The following TMLHE variants were observed in gnomAD, a reference collection of about 807,000 sequenced individuals.
TMLHE encodes the protein trimethyllysine dioxygenase, mitochondrial.
TMLHE carries 18 observed loss-of-function variants against 25.7 expected under a neutral mutation model. The ratio of observed to expected loss-of-function variants is 0.70; its 90% confidence interval spans 0.48 to 1.04. The LOEUF is 1.04. Among genes scored for constraint, TMLHE ranks in the 50% least tolerant of loss-of-function variants. The pLI is 0.00. For synonymous variants in TMLHE, 105 were observed against 97.0 expected (o/e 1.08, Z -0.49); for missense variants, 236 against 259.0 (o/e 0.91, Z 0.61).
In TMLHE at chrX:155,605,608, A is replaced by G. The variant is rs1054987875; in HGVS notation, c.-2+7184T>C. On this transcript the variant is annotated intron_variant, in intron 1 of 7. Transcript: ENST00000334398. ...GTCCTTAAGGGAATGCTAAATATGGAAACAAAAGACTATTACTGGCCACCA... is the reference window on the plus strand; with the variant it reads ...GTCCTTAAGGGAATGCTAAATATGGGAACAAAAGACTATTACTGGCCACCA... 3.2e-4 allele frequency among the ~76,000 whole-genome samples: 36 copies of G among 111,928 alleles called. No individual in the cohort carries two copies. The Admixed American group carries it at 3.4e-3, about 11-fold the overall frequency.
At chrX:155,541,287 C>T (rs1474956053) in intron 2 of TMLHE, among the ~76,000 whole-genome samples, 5 of 111,061 alleles carry the variant, frequency 4.5e-5, no homozygotes, top group African/African-American at 1.6e-4. Context: ...TGAGTGAGAA[C>T]ATGCGATGTT....
At chrX:155,534,540 TTC>T (rs2067267351) in intron 2 of TMLHE, among the ~76,000 whole-genome samples, 1 of 111,625 alleles carries the variant, frequency 9.0e-6, no homozygotes, top group Admixed American at 9.5e-5. Flanking sequence ...CCGGCCTTAT[TTC>T]TCTCTTTTTG....
At chrX:155,555,839 T>C (rs1557340705) in intron 1 of TMLHE, among the ~76,000 whole-genome samples, 1 of 110,365 alleles carries the variant, frequency 9.1e-6, no homozygotes, top group African/African-American at 3.3e-5. Context: ...ACTCTGATGG[T>C]AGTTTCTTTT....
intron 1 of TMLHE, among the ~76,000 whole-genome samples, chrX:155,610,815 G>A (rs2067814816): frequency 9.1e-6 from 1 of 110,478 alleles, no homozygotes; most frequent in South Asian, 3.9e-4. Flanking sequence ...AGTGGGGAAA[G>A]GTGAGGAGGC....
chrX:155,515,511 G>C (rs1349853715), intron 3 of TMLHE, among the ~76,000 whole-genome samples: 1 of 110,424 alleles, frequency 9.1e-6, no homozygotes, highest in Non-Finnish European at 1.9e-5. Flanking sequence ...TTTGTATTTA[G>C]AAATTTCAAA....
intron 1 of TMLHE, among the ~76,000 whole-genome samples, chrX:155,549,062 C>T (rs1350056605): frequency 9.0e-6 from 1 of 111,318 alleles, no homozygotes; most frequent in Non-Finnish European, 1.9e-5. Context: ...TAACAGTATA[C>T]ACAATGCAAC....
chrX:155,526,800 T>G (rs1258257923), intron 2 of TMLHE, among the ~76,000 whole-genome samples: 3 of 112,968 alleles, frequency 2.7e-5, no homozygotes, highest in Non-Finnish European at 5.6e-5. Flanking sequence ...GGAGATTATT[T>G]TGGAGCTTTA....
At chrX:155,547,375 A>G (rs1359276228) in intron 1 of TMLHE, among the ~76,000 whole-genome samples, 2 of 109,877 alleles carry the variant, frequency 1.8e-5, no homozygotes, top group Non-Finnish European at 3.8e-5. Flanking sequence ...CGATCTCCTG[A>G]CCTCGTGATC....
chrX:155,531,799 T>C (rs782794501), intron 2 of TMLHE, among the ~76,000 whole-genome samples: 7 of 111,517 alleles, frequency 6.3e-5, no homozygotes, highest in Non-Finnish European at 1.3e-4. Context: ...CTGGGCCAGA[T>C]AGTCCTTTTG....
intron 1 of TMLHE, among the ~76,000 whole-genome samples, chrX:155,548,825 T>C (rs192532169): frequency 9.1e-6 from 1 of 109,988 alleles, no homozygotes; most frequent in Non-Finnish European, 1.9e-5. Flanking sequence ...AGAAAACACA[T>C]ATGGTCAATA....
chrX:155,512,152 A>AT lies in TMLHE; in HGVS notation c.639-361dup, dbSNP rs1224567256. The stretch of plus-strand genomic sequence containing the variant: ...AAAGATATAGCTGCTTCTGGAAGTG[A>AT]TTTTTTTATTTTATTTTATTAATTA... On this transcript the variant is annotated intron_variant, in intron 4 of 7. Coordinates refer to ENST00000334398, the MANE Select transcript of TMLHE (RefSeq NM_018196.4). Among the ~76,000 whole-genome samples the AT allele has an allele frequency of 5.4e-5, 6 of 110,908 alleles. No individual in the cohort carries two copies. In the East Asian group the frequency reaches 1.4e-3, roughly 26 times the overall value.
At chrX:155,549,266 G>C (rs782551133) in intron 1 of TMLHE, among the ~76,000 whole-genome samples, 1 of 110,713 alleles carries the variant, frequency 9.0e-6, no homozygotes, top group Non-Finnish European at 1.9e-5. Context: ...GTTAGGAGGA[G>C]TAAGCATGGA....
Position 155,577,338 on chromosome X carries a change from G to T in TMLHE, c.-1-32061C>A, listed in dbSNP as rs1184022598. Among the ~76,000 whole-genome samples, 32 of 111,461 alleles carry T rather than the reference G, an allele frequency of 2.9e-4. No homozygotes were observed. In the Admixed American group the frequency reaches 3.0e-3, roughly 11 times the overall value. On this transcript the variant is annotated intron_variant, in intron 1 of 7. Coordinates refer to ENST00000334398, the MANE Select transcript of TMLHE (RefSeq NM_018196.4). ...ACACCTGTAATCCTAGCACTTTTGGGAGGCCAAGGCGGGTGGATTGCCTGA... is the reference window on the plus strand; with the variant it reads ...ACACCTGTAATCCTAGCACTTTTGGTAGGCCAAGGCGGGTGGATTGCCTGA...
chrX:155,544,076 T>TG (rs1388178105), intron 2 of TMLHE, among the ~76,000 whole-genome samples: 1 of 111,867 alleles, frequency 8.9e-6, no homozygotes, highest in African/African-American at 3.2e-5. Context: ...TTGTAGGATG[T>TG]GGGGGGATGA....
At chrX:155,530,368 A>T (rs1231252155) in intron 2 of TMLHE, among the ~76,000 whole-genome samples, 1 of 111,328 alleles carries the variant, frequency 9.0e-6, no homozygotes, top group Non-Finnish European at 1.9e-5. Context: ...TTAAAAAAAA[A>T]GTCAAATAAA....
At position 155,583,629 on chromosome X, in the gene TMLHE, C is replaced by T. The variant is rs1325786438; in HGVS notation, c.-2+29163G>A. ...TATGCAAAATGGAATACTATTCAGC[C>T]ATAAAAAATAATAAAATTGTCTTTT... On this transcript the variant is annotated intron_variant, in intron 1 of 7. Transcript: ENST00000334398. Among the ~76,000 whole-genome samples, 5 of 111,793 alleles carry T rather than the reference C, an allele frequency of 4.5e-5. No individual in the cohort carries two copies. In the East Asian group the frequency reaches 1.4e-3, roughly 31 times the overall value.
chrX:155,589,059 A>G (rs1265713137), intron 1 of TMLHE, among the ~76,000 whole-genome samples: 1 of 112,550 alleles, frequency 8.9e-6, no homozygotes, highest in African/African-American at 3.2e-5. Flanking sequence ...ACTATTCATA[A>G]TAGCAAAGAT....
intron 1 of TMLHE, among the ~76,000 whole-genome samples, chrX:155,595,236 C>T (rs1404318220): frequency 4.5e-5 from 5 of 111,834 alleles, no homozygotes; most frequent in Non-Finnish European, 9.4e-5. Context: ...ATAATAATTT[C>T]ATAGACACCT....
intron 1 of TMLHE, among the ~76,000 whole-genome samples, chrX:155,560,480 T>C (rs1160646615): frequency 9.5e-6 from 1 of 105,269 alleles, no homozygotes. Context: ...TAGTAAGCTA[T>C]AAAAAATAGC....
Sources: gnomAD v4.1 joint callset for allele counts (sites outside exome capture counted in the v4.1 genomes callset) on GRCh38, gnomAD v4.1.1 for gene constraint, MANE v1.5 for transcripts, NCBI Gene and HGNC (gene_info 2026-07-23, HGNC 2026-07-21) for gene names.